Variants in NOS1AP observed in about 807,000 individuals in gnomAD.
NOS1AP encodes nitric oxide synthase 1 adaptor protein.
Under a neutral mutation model 56.2 loss-of-function variants are expected in NOS1AP, and 21 were observed. The observed-to-expected ratio is 0.37, with a 90% CI of 0.26 to 0.54. NOS1AP has a LOEUF of 0.54. Among genes scored for constraint, NOS1AP ranks in the 20% least tolerant of loss-of-function variants. The pLI is 0.84. For missense variants in NOS1AP, 522 were observed against 657.8 expected (o/e 0.79, Z 2.26); for synonymous variants, 270 against 274.6 (o/e 0.98, Z 0.17).
intron 1 of NOS1AP, among the ~76,000 whole-genome samples, chr1:162,119,197 A>G (rs1007623799): frequency 6.6e-6 from 1 of 152,084 alleles, no homozygotes; most frequent in Non-Finnish European, 1.5e-5. Context: ...GGGTCCATGG[A>G]TGGGAACTCT....
At chr1:162,320,555 A>G (rs1050784346) in intron 4 of NOS1AP, among the ~76,000 whole-genome samples, 3 of 152,186 alleles carry the variant, frequency 2.0e-5, no homozygotes, top group Non-Finnish European at 2.9e-5. Context: ...AAGATACAAG[A>G]CTTTTAAAAA....
chr1:162,355,452 C>G, intron 7 of NOS1AP, 99 bp downstream of exon 7: 1 of 1,448,864 alleles, frequency 6.9e-7, no homozygotes, highest in Non-Finnish European at 9.6e-7. Context: ...GAGTGAGGCA[C>G]TCCATGGCAC....
intron 2 of NOS1AP, among the ~76,000 whole-genome samples, chr1:162,214,601 A>G (rs1389461926): frequency 6.6e-6 from 1 of 152,142 alleles, no homozygotes; most frequent in African/African-American, 2.4e-5. Flanking sequence ...ATGGCTGATT[A>G]ACCCTCCTTT....
chr1:162,281,283 G>C (rs981443756), intron 2 of NOS1AP, among the ~76,000 whole-genome samples: 4 of 152,186 alleles, frequency 2.6e-5, no homozygotes, highest in Admixed American at 2.6e-4. Flanking sequence ...CTTCTGGAAG[G>C]CTTACTTTAT....
At chr1:162,319,408 C>T (rs1656339433) in intron 4 of NOS1AP, among the ~76,000 whole-genome samples, 1 of 152,038 alleles carries the variant, frequency 6.6e-6, no homozygotes, top group African/African-American at 2.4e-5. Context: ...CCTGCTTAGA[C>T]TCCCATCCTT....
At chr1:162,354,477 G>A (rs4657186) in intron 6 of NOS1AP, among the ~76,000 whole-genome samples, 10,227 of 152,226 alleles carry the variant, frequency 0.067, 345 homozygotes, top group South Asian at 0.12. Flanking sequence ...TAAAGACATG[G>A]CCATTGTCTT....
At chr1:162,317,399 G>C (rs765166034) in intron 4 of NOS1AP, 18 of 152,240 alleles carry the variant, frequency 1.2e-4, no homozygotes, top group Admixed American at 3.9e-4. Context: ...AAAGTTTTTT[G>C]TATGTGTATA....
In NOS1AP at chr1:162,221,454, A is replaced by G. The variant is rs112476387; in HGVS notation, c.178-65890A>G. Among the ~76,000 whole-genome samples the G allele has an allele frequency of 5.4e-3, 819 of 151,950 alleles. 7 individuals are homozygous for G. The highest frequency in any genetic ancestry group is 0.019 in the African/African-American group (773 of 41,396). On this transcript the variant is annotated intron_variant, in intron 2 of 9. Transcript: ENST00000361897. ...GAAGTTACAGTCATTCTCCCTTTCT[A>G]CAGAGTTTTTCACCATTAGCACTTT...
chr1:162,176,636 G>A (rs1571101682), intron 2 of NOS1AP, among the ~76,000 whole-genome samples: 1 of 149,016 alleles, frequency 6.7e-6, no homozygotes. Flanking sequence ...AGCCTCCCAA[G>A]TAGCTGGGAC....
At chr1:162,298,633 G>A (rs1291163493) in intron 3 of NOS1AP, among the ~76,000 whole-genome samples, 1 of 152,206 alleles carries the variant, frequency 6.6e-6, no homozygotes, top group Non-Finnish European at 1.5e-5. Context: ...TACTCAAAAT[G>A]TCTAGGCTTC....
intron 4 of NOS1AP, among the ~76,000 whole-genome samples, chr1:162,306,362 A>C (rs573333220): frequency 6.6e-6 from 1 of 152,302 alleles, no homozygotes; most frequent in East Asian, 1.9e-4. Context: ...GAGAAAAGTG[A>C]GGACAGACTT....
intron 3 of NOS1AP, among the ~76,000 whole-genome samples, chr1:162,288,068 C>G (rs1193121089): frequency 6.6e-6 from 1 of 152,162 alleles, no homozygotes; most frequent in African/African-American, 2.4e-5. Context: ...TGTTTAAACA[C>G]TTGTCTGTTT....
intron 2 of NOS1AP, among the ~76,000 whole-genome samples, chr1:162,200,420 T>C (rs1359864507): frequency 2.0e-5 from 3 of 152,330 alleles, no homozygotes; most frequent in African/African-American, 7.2e-5. Flanking sequence ...CTGTGACTCC[T>C]TGGGCTGCAG....
chr1:162,143,086 T>C (rs1428065126), intron 1 of NOS1AP, among the ~76,000 whole-genome samples: 1 of 151,966 alleles, frequency 6.6e-6, no homozygotes, highest in Non-Finnish European at 1.5e-5. Flanking sequence ...TGTGACAGGG[T>C]GTTTACCTCA....
At chr1:162,179,741 G>T (rs1651186891) in intron 2 of NOS1AP, among the ~76,000 whole-genome samples, 1 of 152,182 alleles carries the variant, frequency 6.6e-6, no homozygotes, top group East Asian at 1.9e-4. Flanking sequence ...GGGCTGGAGA[G>T]AGATGGACTT....
At chr1:162,103,483 T>A (rs764374041) in intron 1 of NOS1AP, among the ~76,000 whole-genome samples, 8 of 152,196 alleles carry the variant, frequency 5.3e-5, no homozygotes, top group African/African-American at 1.7e-4. Flanking sequence ...GTTCTGAATA[T>A]CTTTGTTAAT....
At chr1:162,312,103 T>G (rs1487245859) in intron 4 of NOS1AP, among the ~76,000 whole-genome samples, 1 of 151,156 alleles carries the variant, frequency 6.6e-6, no homozygotes, top group African/African-American at 2.5e-5. Context: ...TACCCAGCAA[T>G]GGGATGGCTG....
intron 2 of NOS1AP, among the ~76,000 whole-genome samples, chr1:162,222,272 T>C (rs1652807415): frequency 6.6e-6 from 1 of 152,230 alleles, no homozygotes; most frequent in South Asian, 2.1e-4. Flanking sequence ...CATGGCAGTA[T>C]ACAAGGAGCA....
chr1:162,150,213 A>T (rs1338603278), intron 1 of NOS1AP, among the ~76,000 whole-genome samples: 1 of 152,192 alleles, frequency 6.6e-6, no homozygotes, highest in Non-Finnish European at 1.5e-5. Context: ...TAGCTCCCAC[A>T]AATAAGTGAA....
Sources: gnomAD v4.1 joint callset for allele counts (sites outside exome capture counted in the v4.1 genomes callset) on GRCh38, gnomAD v4.1.1 for gene constraint, MANE v1.5 for transcripts, NCBI Gene and HGNC (gene_info 2026-07-23, HGNC 2026-07-21) for gene names.